The following MYLK4 variants were observed in gnomAD, a reference collection of about 807,000 sequenced individuals.
MYLK4 encodes myosin light chain kinase family member 4.
A neutral mutation model predicts 48.1 loss-of-function variants in MYLK4; 46 were observed. The observed-to-expected ratio is 0.96, with a 90% CI of 0.75 to 1.22. The LOEUF (loss-of-function observed/expected upper bound fraction) is 1.22, where lower values mean the gene tolerates loss of function less well. Among genes scored for constraint, MYLK4 ranks in the 50% most tolerant of loss-of-function variants. The probability of loss-of-function intolerance (pLI) is 0.00; values close to 1 mark genes in which losing one functional copy is unlikely to be tolerated. For synonymous variants in MYLK4, 170 were observed against 180.8 expected (o/e 0.94, Z 0.48); for missense variants, 451 against 486.1 (o/e 0.93, Z 0.68).
chr6:2,761,407 G>A, the MYLK4 span, among the ~76,000 whole-genome samples: 1 of 152,216 alleles, frequency 6.6e-6, no homozygotes, highest in Non-Finnish European at 1.5e-5. Flanking sequence ...AATTTGATTG[G>A]CAAAGCAATC....
At chr6:2,768,632 G>C in the MYLK4 span, 1 of 1,445,422 alleles carries the variant, frequency 6.9e-7, no homozygotes, top group Admixed American at 2.3e-5. Context: ...GTTCCCATGG[G>C]TGCTGGTCTC....
intron 2 of MYLK4, among the ~76,000 whole-genome samples, chr6:2,737,174 G>C (rs1261956613): frequency 6.6e-6 from 1 of 152,184 alleles, no homozygotes; most frequent in African/African-American, 2.4e-5. Flanking sequence ...CTAGCTGCGC[G>C]TGGTGGCGCC....
intron 10 of MYLK4, among the ~76,000 whole-genome samples, chr6:2,675,603 G>A (rs1469314414): frequency 2.6e-5 from 4 of 152,072 alleles, no homozygotes; most frequent in Non-Finnish European, 4.4e-5. Flanking sequence ...AAATAGAGTC[G>A]ATGTAATTAT....
In MYLK4 at chr6:2,684,645, T is replaced by A. The variant is rs1056859104; in HGVS notation, c.545+651A>T. Among the ~76,000 whole-genome samples, 6 of 152,126 alleles carry A rather than the reference T, an allele frequency of 3.9e-5. No homozygotes were observed. The East Asian group carries it at 7.7e-4, about 20-fold the overall frequency. On this transcript the variant is annotated intron_variant, in intron 6 of 12. Transcript: ENST00000274643. ...AATACAACAACAAAAATAATACAAA[T>A]TTTTAAAAAATACAGTATAACAACT...
In MYLK4 at chr6:2,675,133, G is replaced by A; in HGVS notation, c.1041-8C>T. The A allele has an allele frequency of 6.2e-7, 1 of 1,609,346 alleles. No homozygotes were observed. The highest frequency in any genetic ancestry group is 8.5e-7 in the Non-Finnish European group (1 of 1,175,792). ...CTTGCACTTATTCGCCAACTAGAAG[G>A]AAATTCAGAAGGTGATTAGTAGAAA... On this transcript the variant is annotated splice_polypyrimidine_tract_variant and splice_region_variant and intron_variant, in intron 10 of 12. Coordinates refer to ENST00000274643, the MANE Select transcript of MYLK4 (RefSeq NM_001012418.5).
chr6:2,687,380 C>CA (rs1761600744), intron 4 of MYLK4, among the ~76,000 whole-genome samples: 1 of 152,182 alleles, frequency 6.6e-6, no homozygotes, highest in African/African-American at 2.4e-5. Context: ...AGCTGACGGG[C>CA]AGCTGGTCTA....
the MYLK4 span, among the ~76,000 whole-genome samples, chr6:2,761,727 G>T: frequency 8.0e-3 from 1,217 of 152,220 alleles, 18 homozygotes; most frequent in African/African-American, 0.028. Flanking sequence ...TTGAAGTCAA[G>T]GTCTAGAGTC....
intron 12 of MYLK4, 41 bp from the exon 13 acceptor site, chr6:2,667,940 G>A (rs753370596): frequency 6.6e-6 from 1 of 152,442 alleles, no homozygotes; most frequent in African/African-American, 2.4e-5. Context: ...AATTCAGCAG[G>A]GTTTTTAAAA....
rs992591850 is a variant in MYLK4 at position 2,666,269 on chromosome 6, C to T, written c.*1656G>A. 1 of 152,138 alleles carries T rather than the reference C, an allele frequency of 6.6e-6. No homozygotes were observed. Among genetic ancestry groups the T allele is most frequent in the South Asian group, 2.1e-4 (1 of 4,820 alleles). The allele number at this position is 152,138 out of a possible 1,614,324, so 9.4% of individuals were successfully genotyped here. ...GCTGATGCAAAGTGAAACTGCCATC[C>T]CTCATGAGGCCACCAAGTAATTCTT... On this transcript the variant is annotated 3_prime_UTR_variant, in exon 13 of 13. Coordinates refer to ENST00000274643, the MANE Select transcript of MYLK4 (RefSeq NM_001012418.5).
At chr6:2,742,611 C>G (rs58073672) in intron 2 of MYLK4, among the ~76,000 whole-genome samples, 18,307 of 150,106 alleles carry the variant, frequency 0.12, 1,228 homozygotes, top group East Asian at 0.27. Context: ...AGTAAACTAT[C>G]GCAAGGACAA....
At chr6:2,717,050 G>C (rs569324661) in intron 2 of MYLK4, among the ~76,000 whole-genome samples, 1 of 152,162 alleles carries the variant, frequency 6.6e-6, no homozygotes, top group Non-Finnish European at 1.5e-5. Flanking sequence ...AGGAGGGAAA[G>C]GGCATTCCAA....
At chr6:2,712,257 C>G (rs1762700029) in intron 2 of MYLK4, among the ~76,000 whole-genome samples, 1 of 152,206 alleles carries the variant, frequency 6.6e-6, no homozygotes, top group Non-Finnish European at 1.5e-5. Flanking sequence ...TAAATCTAAG[C>G]TGGCTCCCTT....
At chr6:2,690,854 G>A (rs1423964111) in intron 3 of MYLK4, among the ~76,000 whole-genome samples, 1 of 90,670 alleles carries the variant, frequency 1.1e-5, no homozygotes, top group Non-Finnish European at 2.0e-5. Flanking sequence ...TTTTGAGACC[G>A]AGTCTCGCTC....
In MYLK4 at chr6:2,673,544, ATC is replaced by A. The variant is rs1354498869; in HGVS notation, c.1119+1501_1119+1502del. On this transcript the variant is annotated intron_variant, in intron 11 of 12. Transcript: ENST00000274643. The surrounding 1 kb of genome is among the most constrained non-coding windows in gnomAD (Gnocchi z 4.2). ...GCAAAGGTGGAAGAAACAAAAACGT[ATC>A]AAACCCATGCTATACCAGGGCAGGG... is the stretch of plus-strand genomic sequence containing the variant. Among the ~76,000 whole-genome samples, 4 of 152,208 alleles carry A rather than the reference ATC, an allele frequency of 2.6e-5. No individual in the cohort carries two copies. The highest frequency in any genetic ancestry group is 2.1e-4 in the South Asian group (1 of 4,828).
chr6:2,762,514 T>G, the MYLK4 span, among the ~76,000 whole-genome samples: 2 of 148,602 alleles, frequency 1.3e-5, no homozygotes, highest in African/African-American at 2.4e-5. Flanking sequence ...GTTATCTCTA[T>G]AAATGTTTAA....
chr6:2,730,880 C>T (rs1240163092), intron 2 of MYLK4, among the ~76,000 whole-genome samples: 2 of 151,986 alleles, frequency 1.3e-5, no homozygotes, highest in Admixed American at 6.6e-5. Flanking sequence ...ATGAAAGGGC[C>T]ACTGTGTCCA....
intron 2 of MYLK4, among the ~76,000 whole-genome samples, chr6:2,727,319 C>T (rs894464754): frequency 1.3e-5 from 2 of 152,168 alleles, no homozygotes; most frequent in East Asian, 1.9e-4. Context: ...CCCCGGAAAG[C>T]GCTGCAGTGC....
At chr6:2,727,465 G>A (rs947162235) in intron 2 of MYLK4, among the ~76,000 whole-genome samples, 1 of 152,070 alleles carries the variant, frequency 6.6e-6, no homozygotes, top group African/African-American at 2.4e-5. Context: ...CTGCCCCCAT[G>A]CACAAGTGAG....
intron 2 of MYLK4, among the ~76,000 whole-genome samples, chr6:2,702,156 G>A (rs1259155600): frequency 6.6e-6 from 1 of 152,186 alleles, no homozygotes; most frequent in Admixed American, 6.5e-5. Context: ...GGAGCTCAGG[G>A]AAGAGCATGC....
Sources: allele counts gnomAD v4.1 joint callset (sites outside exome capture counted in the v4.1 genomes callset), GRCh38; gene constraint gnomAD v4.1.1; non-coding constraint Gnocchi (gnomAD v3.1); transcripts MANE v1.5; gene names NCBI Gene and HGNC (gene_info 2026-07-23, HGNC 2026-07-21).